Variants in GIMAP8 observed in about 807,000 individuals in gnomAD.
The protein encoded by GIMAP8 is GTPase IMAP family member 8.
In GIMAP8, 29 loss-of-function variants were observed where a neutral mutation model predicts 35.6. The ratio of observed to expected loss-of-function variants is 0.81; its 90% CI spans 0.61 to 1.11. The LOEUF (loss-of-function observed/expected upper bound fraction) is 1.11. GIMAP8 is among the 50% of genes most tolerant of loss of function. GIMAP8 has a pLI of 0.00. For synonymous variants in GIMAP8, 335 were observed against 308.7 expected, an observed-to-expected ratio of 1.09 and a Z score of -0.89; for missense variants, 811 against 805.0, an observed-to-expected ratio of 1.01 and a Z score of -0.09.
chr7:150,469,190 C>T (rs1284048382), intron 2 of GIMAP8, among the ~76,000 whole-genome samples: 20 of 152,224 alleles, frequency 1.3e-4, no homozygotes, highest in Admixed American at 1.3e-3. Flanking sequence ...CACATCCACT[C>T]CTGAGCCTCA....
In GIMAP8 at chr7:150,479,024, A is replaced by C. The variant is rs1387658913; in HGVS notation, c.*1244A>C. On this transcript the variant is annotated 3_prime_UTR_variant, in exon 5 of 5. Coordinates refer to ENST00000307271, the MANE Select transcript of GIMAP8 (RefSeq NM_175571.4). Reference sequence around the variant, plus strand: ...CCCTAGACAATATCAGGTTACCGTCAACATTAATCCATTTAAAAGGACATG... The same window carrying C: ...CCCTAGACAATATCAGGTTACCGTCCACATTAATCCATTTAAAAGGACATG... 6.6e-6 allele frequency: 1 copy of C among 152,248 alleles called. No individual in the cohort carries two copies. The highest frequency in any genetic ancestry group is 1.5e-5 in the Non-Finnish European group (1 of 68,058). 9.4% of individuals were successfully genotyped at this position (152,248 alleles called of 1,614,324 possible). A position where few individuals can be genotyped will look rare whatever the true frequency, so the allele number is the denominator to read the frequency against.
At position 150,467,350 on chromosome 7, in the gene GIMAP8, A is replaced by G. The variant is rs138233370; in HGVS notation, c.636+16A>G. ...CAGGTTTCAAGTAAGAATTTTGTTAATATCTTGAAAGATCTCTATGTTGCT... is the reference window on the plus strand; with the variant it reads ...CAGGTTTCAAGTAAGAATTTTGTTAGTATCTTGAAAGATCTCTATGTTGCT... On this transcript the variant is annotated intron_variant, in intron 2 of 4. Coordinates refer to ENST00000307271, the MANE Select transcript of GIMAP8 (RefSeq NM_175571.4). 3,114 of 1,599,532 alleles carry G rather than the reference A, an allele frequency of 1.9e-3. 5 individuals are homozygous for G. The highest frequency in any genetic ancestry group is 2.5e-3 in the Non-Finnish European group (2,887 of 1,170,232).
intron 1 of GIMAP8, among the ~76,000 whole-genome samples, chr7:150,454,644 C>T (rs1296708730): frequency 1.3e-5 from 2 of 152,090 alleles, no homozygotes; most frequent in Admixed American, 6.6e-5. Flanking sequence ...CTTTTTGAGC[C>T]TACAGGAACA....
At chr7:150,469,109 AC>A (rs1431934904) in intron 2 of GIMAP8, among the ~76,000 whole-genome samples, 2 of 151,696 alleles carry the variant, frequency 1.3e-5, no homozygotes, top group African/African-American at 4.9e-5. Flanking sequence ...ATTTGGCTTG[AC>A]TCCTTGCCCT....
chr7:150,472,948 G>T lies in GIMAP8; in HGVS notation c.683-1064G>T, dbSNP rs1026496326. Among the ~76,000 whole-genome samples, 3 of 152,180 alleles carry T rather than the reference G, an allele frequency of 2.0e-5. No individual in the cohort carries two copies. Among genetic ancestry groups the T allele is most frequent in the Admixed American group, 6.5e-5 (1 of 15,272 alleles). The stretch of plus-strand genomic sequence containing the variant: ...ACTTCCGTGCTAGTCAGGTCCTAAG[G>T]GCTTTACAGGTGCTGTTTCCTTTAG... On this transcript the variant is annotated intron_variant, in intron 3 of 4. Coordinates refer to ENST00000307271, the MANE Select transcript of GIMAP8 (RefSeq NM_175571.4). The surrounding 1 kb of genome is among the most constrained non-coding windows in gnomAD (Gnocchi z 4.1).
Position 150,467,113 on chromosome 7 carries a change from T to G in GIMAP8, c.415T>G (p.Leu139Val), listed in dbSNP as rs759966278. The G allele has an allele frequency of 8.7e-6, 14 of 1,613,928 alleles. No individual in the cohort carries two copies. Among genetic ancestry groups the G allele is most frequent in the Non-Finnish European group, 1.2e-5 (14 of 1,180,010 alleles). ...TATTGTCTTCACTCGGAAGGATGAT[T>G]TGGGGGATGACTTGCTGCAAGATTT... Reference protein sequence around the residue: ...IIIVFTRKDDLGDDLLQDFIE... With the variant: ...IIIVFTRKDDVGDDLLQDFIE... Residue 139 changes from leucine to valine, a missense_variant, in exon 2 of 5, where the codon TTG (leucine) becomes GTG (valine). By Grantham distance (32) the Leu-to-Val change is conservative. Transcript: ENST00000307271.
chr7:150,466,648 T>G, intron 1 of GIMAP8, 23 bp from the exon 2 acceptor site: 1 of 1,580,394 alleles, frequency 6.3e-7, no homozygotes, highest in Non-Finnish European at 8.6e-7. Flanking sequence ...TGAACATTAA[T>G]GTGTTGTTTT....
chr7:150,452,605 G>GTATGTATA (rs1310363958), intron 1 of GIMAP8, among the ~76,000 whole-genome samples: 1 of 142,538 alleles, frequency 7.0e-6, no homozygotes, highest in Non-Finnish European at 1.5e-5. Flanking sequence ...ATGTATATAT[G>GTATGTATA]TATGTATATA....
intron 1 of GIMAP8, among the ~76,000 whole-genome samples, chr7:150,456,844 G>A (rs1265351287): frequency 6.6e-6 from 1 of 152,194 alleles, no homozygotes; most frequent in Non-Finnish European, 1.5e-5. Flanking sequence ...GCAAATTCCA[G>A]AGAGATTAAA....
chr7:150,457,149 A>G (rs946837633), intron 1 of GIMAP8, among the ~76,000 whole-genome samples: 1 of 152,260 alleles, frequency 6.6e-6, no homozygotes, highest in Admixed American at 6.5e-5. Flanking sequence ...TAGATTAACT[A>G]AAAGTATTCC....
rs1801676726 is a variant in GIMAP8, at chr7:150,454,064, A to G, written c.-29+2889A>G. 1.3e-5 allele frequency among the ~76,000 whole-genome samples: 2 copies of G among 152,132 alleles called. 1 individual carries two copies. On this transcript the variant is annotated intron_variant, in intron 1 of 4. Transcript: ENST00000307271. ...AAGTGCTCAGGCACATGTCTTGCAC[A>G]TGTCTGCAAGGGACAATGCCCCAGT...
chr7:150,455,679 C>A (rs1276571924), intron 1 of GIMAP8, among the ~76,000 whole-genome samples: 1 of 152,150 alleles, frequency 6.6e-6, no homozygotes, highest in African/African-American at 2.4e-5. Context: ...TGAATGTGCA[C>A]GAGGATAACC....
rs1343131472 is a variant in GIMAP8, at chr7:150,466,787, T to A, written c.89T>A (p.Ile30Asn). 1.9e-6 allele frequency: 3 copies of A among 1,614,118 alleles called. No individual in the cohort carries two copies. Among genetic ancestry groups the A allele is most frequent in the Non-Finnish European group, 2.5e-6 (3 of 1,180,042 alleles). The change falls in exon 2 of 5, where the codon ATT (isoleucine) becomes AAT (asparagine). Residue 30 changes from isoleucine (I) to asparagine (N), a missense_variant. Physicochemically the swap from Ile to Asn is moderately radical, Grantham distance 149. Coordinates refer to ENST00000307271, the MANE Select transcript of GIMAP8 (RefSeq NM_175571.4). ...GGAAAAAGTGCCACAGGAAATGCCATTCTGGGCAAACATGTGTTCAAGTCC... is the reference window on the plus strand; with the variant it reads ...GGAAAAAGTGCCACAGGAAATGCCAATCTGGGCAAACATGTGTTCAAGTCC... ...RSGKSATGNA[I>N]LGKHVFKSKF...
chr7:150,452,775 C>T (rs936413087), intron 1 of GIMAP8, among the ~76,000 whole-genome samples: 3 of 143,850 alleles, frequency 2.1e-5, no homozygotes, highest in South Asian at 2.2e-4. Flanking sequence ...TTAATAAAGA[C>T]GGGGATTTCA....
At chr7:150,454,379 G>A (rs929538383) in intron 1 of GIMAP8, among the ~76,000 whole-genome samples, 2 of 152,146 alleles carry the variant, frequency 1.3e-5, no homozygotes, top group African/African-American at 4.8e-5. Context: ...AAACCGGGGA[G>A]CAGTGTTAAT....
At chr7:150,468,538 T>C (rs1050529427) in intron 2 of GIMAP8, among the ~76,000 whole-genome samples, 13 of 152,200 alleles carry the variant, frequency 8.5e-5, no homozygotes, top group African/African-American at 2.9e-4. Context: ...ATAAATTCTA[T>C]CTACTTAAAG....
rs1554493674 is a variant in GIMAP8 at position 150,466,798 on chromosome 7, C to T, written c.100C>T (p.His34Tyr). ...SATGNAILGK[H>Y]VFKSKFSDQT... ...CACAGGAAATGCCATTCTGGGCAAA[C>T]ATGTGTTCAAGTCCAAGTTCAGTGA... Residue 34 changes from histidine (H) to tyrosine (Y), a missense_variant, in exon 2 of 5, where the codon CAT (histidine) becomes TAT (tyrosine). Coordinates refer to ENST00000307271, the MANE Select transcript of GIMAP8 (RefSeq NM_175571.4). The T allele has an allele frequency of 6.2e-7, 1 of 1,614,126 alleles. No homozygotes were observed. Among genetic ancestry groups the T allele is most frequent in the Non-Finnish European group, 8.5e-7 (1 of 1,180,048 alleles).
intron 1 of GIMAP8, among the ~76,000 whole-genome samples, chr7:150,458,218 CAA>C (rs1801771658): frequency 6.6e-6 from 1 of 151,978 alleles, no homozygotes; most frequent in African/African-American, 2.4e-5. Context: ...TTGGTGAGAC[CAA>C]AATCTGATAG....
chr7:150,478,730 G>A lies in GIMAP8; in HGVS notation c.*950G>A, dbSNP rs1802301445. 1 of 152,146 alleles carries A rather than the reference G, an allele frequency of 6.6e-6. No homozygotes were observed. Among genetic ancestry groups the A allele is most frequent in the Non-Finnish European group, 1.5e-5 (1 of 68,042 alleles). 9.4% of individuals were successfully genotyped at this position (152,146 alleles called of 1,614,324 possible). On this transcript the variant is annotated 3_prime_UTR_variant, in exon 5 of 5. Transcript: ENST00000307271. ...AGGAAGCCGAGGAATAAGCAGGCTG[G>A]GGCTGGTGGGCGTCAACATCCCAGT...
Sources: gnomAD v4.1 joint callset for allele counts (sites outside exome capture counted in the v4.1 genomes callset) on GRCh38, gnomAD v4.1.1 for gene constraint, Gnocchi (gnomAD v3.1) non-coding constraint, MANE v1.5 for transcripts, NCBI Gene and HGNC (gene_info 2026-07-23, HGNC 2026-07-21) for gene names.